Variants in TRIM49B observed in about 807,000 individuals in gnomAD.
TRIM49B encodes the protein tripartite motif containing 49B.
A neutral mutation model predicts 31.8 loss-of-function variants in TRIM49B; 18 were observed. That is an observed-to-expected ratio of 0.57 (90% confidence interval 0.39 to 0.84). The LOEUF is 0.84. Ranked by LOEUF, TRIM49B falls within the 40% of genes least tolerant of loss-of-function variation. The pLI is 0.00. For missense variants in TRIM49B, 494 were observed against 538.7 expected (o/e 0.92, Z 0.82); for synonymous variants, 196 against 180.6 (o/e 1.09, Z -0.68).
At chr11:49,031,558 C>T (rs765293570) in intron 1 of TRIM49B, 38 bp from the exon 2 acceptor site, 43 of 1,608,328 alleles carry the variant, frequency 2.7e-5, no homozygotes, top group Non-Finnish European at 3.4e-5. Context: ...TTTCATCAAC[C>T]CAGGCCCCAA....
At chr11:49,035,807 A>G (rs1334712945) in intron 5 of TRIM49B, among the ~76,000 whole-genome samples, 1 of 152,196 alleles carries the variant, frequency 6.6e-6, no homozygotes, top group Non-Finnish European at 1.5e-5. Flanking sequence ...TTTTTTATAC[A>G]TATATACATA....
In TRIM49B at chr11:49,037,665, C is replaced by T. The variant is rs1248253439; in HGVS notation, c.1047C>T (p.Asp349=). ...ATTACTGGGAGGTCCATGTAGGGGA[C>T]TCCTGGAATTGGGCTTTTGGTGTCT... ...GKYYWEVHVG[D]SWNWAFGVCN... Residue 349 remains aspartate (D), a synonymous_variant, in exon 7 of 7, where the codon GAC becomes GAT. Transcript: ENST00000332682. 45 of 1,613,764 alleles carry T rather than the reference C, an allele frequency of 2.8e-5. No individual in the cohort carries two copies. Among genetic ancestry groups the T allele is most frequent in the Non-Finnish European group, 3.5e-5 (41 of 1,179,868 alleles).
intron 1 of TRIM49B, among the ~76,000 whole-genome samples, chr11:49,029,639 T>C (rs971720746): frequency 2.4e-4 from 37 of 152,234 alleles, no homozygotes; most frequent in Admixed American, 2.4e-3. Context: ...AGAAGTGATA[T>C]TAAACTAGCA....
chr11:49,035,200 A>C, intron 5 of TRIM49B, 83 bp downstream of exon 5: 1 of 1,588,350 alleles, frequency 6.3e-7, no homozygotes, highest in Non-Finnish European at 8.5e-7. Flanking sequence ...CATGGCATAA[A>C]GTCATGGCAT....
chr11:49,034,322 A>T lies in TRIM49B; in HGVS notation c.684A>T (p.Gly228=), dbSNP rs1287019628. The T allele has an allele frequency of 1.9e-6, 3 of 1,611,984 alleles. No homozygotes were observed. The highest frequency in any genetic ancestry group is 2.5e-6 in the Non-Finnish European group (3 of 1,179,826). Residue 228 remains glycine (G), a synonymous_variant, in exon 4 of 7, where the codon GGA becomes GGT. Coordinates refer to ENST00000332682, the MANE Select transcript of TRIM49B (RefSeq NM_001206626.2). The stretch of plus-strand genomic sequence containing the variant: ...CTCATAGGAGGGAGATTTTAAGAGG[A>T]ATGTATGAGGAGCTGAACGAAATGT... The part of the protein sequence containing the change: ...KMAHRREILR[G]MYEELNEMCH...
At position 49,034,334 on chromosome 11, in the gene TRIM49B, G is replaced by A. The variant is rs750469683; in HGVS notation, c.696G>A (p.Glu232=). The change falls in exon 4 of 7, where the codon GAG becomes GAA. Residue 232 remains glutamate, a synonymous_variant. Transcript: ENST00000332682. Reference sequence around the variant, plus strand: ...AGATTTTAAGAGGAATGTATGAGGAGCTGAACGAAATGTGCCATAAACCAG... The same window carrying A: ...AGATTTTAAGAGGAATGTATGAGGAACTGAACGAAATGTGCCATAAACCAG... ...RREILRGMYE[E]LNEMCHKPDV... 6.2e-7 allele frequency: 1 copy of A among 1,611,980 alleles called. No homozygotes were observed. Among genetic ancestry groups the A allele is most frequent in the South Asian group, 1.1e-5 (1 of 90,990 alleles).
chr11:49,035,703 A>C (rs150355994), intron 5 of TRIM49B, among the ~76,000 whole-genome samples: 1 of 152,076 alleles, frequency 6.6e-6, no homozygotes, highest in African/African-American at 2.4e-5. Flanking sequence ...GAGAAAGATA[A>C]GAGTTTTGTT....
intron 5 of TRIM49B, among the ~76,000 whole-genome samples, 172 bp from the exon 6 acceptor site, chr11:49,036,129 T>C (rs981217880): frequency 3.1e-4 from 47 of 152,188 alleles, no homozygotes; most frequent in Non-Finnish European, 1.2e-4. Flanking sequence ...TCTTCCATCA[T>C]GCTTAAAAAT....
At chr11:49,031,070 G>A (rs1053366364) in intron 1 of TRIM49B, among the ~76,000 whole-genome samples, 2 of 151,682 alleles carry the variant, frequency 1.3e-5, no homozygotes, top group South Asian at 2.1e-4. Context: ...TGGGATAACT[G>A]CAGGACTTGC....
chr11:49,033,331 G>A (rs1467424079), intron 3 of TRIM49B, among the ~76,000 whole-genome samples: 1 of 152,074 alleles, frequency 6.6e-6, no homozygotes, highest in African/African-American at 2.4e-5. Flanking sequence ...TTTAAATAGG[G>A]TGGTCAGAAA....
intron 1 of TRIM49B, among the ~76,000 whole-genome samples, chr11:49,030,630 G>A (rs1358912389): frequency 1.3e-5 from 2 of 152,030 alleles, no homozygotes; most frequent in East Asian, 3.9e-4. Context: ...CAGCTGACTG[G>A]ATGGTGCCCA....
rs1244286900 is a variant in TRIM49B at position 49,034,156 on chromosome 11, A to T, written c.518A>T (p.Asn173Ile). The change falls in exon 4 of 7, where the codon AAT becomes ATT. Residue 173 changes from asparagine (N) to isoleucine (I), a missense_variant. Asn to Ile is a moderately radical substitution (Grantham distance 149). Coordinates refer to ENST00000332682, the MANE Select transcript of TRIM49B (RefSeq NM_001206626.2). ...CCATTATCACTGCAGGATTATGTGA[A>T]TTTAAGGCTAGAAGCAATTAGAGCT... The part of the protein sequence containing the change: ...TRTRCWKDYV[N>I]LRLEAIRAEY... 6.2e-7 allele frequency: 1 copy of T among 1,611,910 alleles called. No homozygotes were observed. Among genetic ancestry groups the T allele is most frequent in the South Asian group, 1.1e-5 (1 of 90,976 alleles).
rs1427416183 is a variant in TRIM49B at position 49,037,730 on chromosome 11, T to C, written c.1112T>C (p.Ile371Thr). 4.3e-6 allele frequency: 7 copies of C among 1,613,810 alleles called. No individual in the cohort carries two copies. The highest frequency in any genetic ancestry group is 2.7e-5 in the African/African-American group (2 of 74,884). ...YWKEKNQNEK[I>T]DGEDGLFLLG... ...AAAGAGAAGAATCAGAATGAGAAGA[T>C]AGATGGAGAGGATGGACTCTTTCTT... The change falls in exon 7 of 7, where the codon ATA (isoleucine) becomes ACA (threonine). Residue 371 changes from isoleucine (I) to threonine (T), a missense_variant. By Grantham distance (89) the Ile-to-Thr change is moderately conservative. Around this residue, in one of 3 missense-constraint regions of TRIM49B, gnomAD observed 233 missense variants for 281.4 expected, o/e 0.83. Coordinates refer to ENST00000332682, the MANE Select transcript of TRIM49B (RefSeq NM_001206626.2).
intron 5 of TRIM49B, among the ~76,000 whole-genome samples, 173 bp downstream of exon 5, chr11:49,035,290 A>C (rs574863766): frequency 6.6e-6 from 1 of 151,266 alleles, no homozygotes; most frequent in Admixed American, 6.6e-5. Flanking sequence ...CCACGAAGTA[A>C]ATAAATGAAT....
chr11:49,034,305 A>T lies in TRIM49B; in HGVS notation c.667A>T (p.Arg223Trp). 1 of 1,611,982 alleles carries T rather than the reference A, an allele frequency of 6.2e-7. No individual in the cohort carries two copies. Among genetic ancestry groups the T allele is most frequent in the Non-Finnish European group, 8.5e-7 (1 of 1,179,830 alleles). ...HLSKAKMAHR[R>W]EILRGMYEEL... ...AAGTAAAGCCAAAATGGCTCATAGGAGGGAGATTTTAAGAGGAATGTATGA... is the reference window on the plus strand; with the variant it reads ...AAGTAAAGCCAAAATGGCTCATAGGTGGGAGATTTTAAGAGGAATGTATGA... The change falls in exon 4 of 7, where the codon AGG becomes TGG. Residue 223 changes from arginine (R) to tryptophan (W), a missense_variant. Transcript: ENST00000332682.
At chr11:49,032,067 T>G in intron 2 of TRIM49B, 57 bp downstream of exon 2, 1 of 1,611,030 alleles carries the variant, frequency 6.2e-7, no homozygotes, top group Non-Finnish European at 8.5e-7. Context: ...TTCCTGTGGG[T>G]CTATTTTCTT....
rs182236387 is a variant in TRIM49B at position 49,030,227 on chromosome 11, C to T, written c.-5+1252C>T. On this transcript the variant is annotated intron_variant, in intron 1 of 6. Coordinates refer to ENST00000332682, the MANE Select transcript of TRIM49B (RefSeq NM_001206626.2). ...TGTCACGTTCCTGTAATCCCAGGTA[C>T]TTGGGAACCTGATGCAGGAGAATCA... is the stretch of plus-strand genomic sequence containing the variant. 2.5e-4 allele frequency among the ~76,000 whole-genome samples: 38 copies of T among 152,212 alleles called. No individual in the cohort carries two copies. In the East Asian group the frequency reaches 7.0e-3, roughly 28 times the overall value.
At chr11:49,033,184 G>A (rs1278533593) in intron 3 of TRIM49B, among the ~76,000 whole-genome samples, 1 of 152,114 alleles carries the variant, frequency 6.6e-6, no homozygotes, top group Non-Finnish European at 1.5e-5. Flanking sequence ...ATCCAAATAA[G>A]AGAGTCAAAT....
chr11:49,029,692 C>T (rs1854421837), intron 1 of TRIM49B, among the ~76,000 whole-genome samples: 1 of 152,152 alleles, frequency 6.6e-6, no homozygotes, highest in Non-Finnish European at 1.5e-5. Context: ...ATTGCCAAAA[C>T]AAAGATTATA....
Sources: gnomAD v4.1 joint callset for allele counts (sites outside exome capture counted in the v4.1 genomes callset) on GRCh38, gnomAD v4.1.1 for gene constraint, gnomAD v4.1.1 regional missense constraint, MANE v1.5 for transcripts, NCBI Gene and HGNC (gene_info 2026-07-23, HGNC 2026-07-21) for gene names.